MTHFD1: variants seen among roughly 807,000 people sequenced by gnomAD.
The protein encoded by MTHFD1 is C-1-tetrahydrofolate synthase, cytoplasmic.
A neutral mutation model predicts 110.3 loss-of-function variants in MTHFD1; 44 were observed. The observed-to-expected ratio is 0.40, with a 90% CI of 0.31 to 0.51. MTHFD1 has a LOEUF of 0.51. MTHFD1 is among the 20% of genes least tolerant of loss of function. The pLI, the probability that MTHFD1 is intolerant of heterozygous loss-of-function variation, is 0.60. For synonymous variants in MTHFD1, 402 were observed against 428.8 expected, an observed-to-expected ratio of 0.94 and a Z score of 0.77; for missense variants, 909 against 1,173.1, an observed-to-expected ratio of 0.77 and a Z score of 3.29.
chr14:64,447,434 A>G (rs11621442), intron 22 of MTHFD1, among the ~76,000 whole-genome samples: 11,639 of 149,726 alleles, frequency 0.078, 518 homozygotes, highest in East Asian at 0.23. Flanking sequence ...GATGACAGGC[A>G]TAAGCCACCA....
At chr14:64,426,924 T>A (rs1323996092) in intron 11 of MTHFD1, among the ~76,000 whole-genome samples, 1 of 152,226 alleles carries the variant, frequency 6.6e-6, no homozygotes, top group Non-Finnish European at 1.5e-5. Context: ...TAAAGTATAT[T>A]TGCTTCTTAC....
intron 15 of MTHFD1, among the ~76,000 whole-genome samples, chr14:64,433,068 G>A (rs2078172939): frequency 6.6e-6 from 1 of 151,552 alleles, no homozygotes; most frequent in Non-Finnish European, 1.5e-5. Context: ...GGCCACAAGG[G>A]ATTTTTTGTT....
intron 1 of MTHFD1, among the ~76,000 whole-genome samples, chr14:64,389,695 C>T (rs1056962166): frequency 3.3e-5 from 5 of 150,378 alleles, no homozygotes; most frequent in Non-Finnish European, 7.4e-5. Flanking sequence ...GCAACAAGAG[C>T]GAAACTCCGT....
In MTHFD1 at chr14:64,459,132, A is replaced by C. The variant is rs1304054027; in HGVS notation, c.*5-627A>C. ...TTCAACATGTGCTCACACCTAGCCGAATCTATCTGGATATTTTCAGACGTG... is the reference window on the plus strand; with the variant it reads ...TTCAACATGTGCTCACACCTAGCCGCATCTATCTGGATATTTTCAGACGTG... On this transcript the variant is annotated intron_variant, in intron 27 of 27. Transcript: ENST00000652337. Among the ~76,000 whole-genome samples the C allele has an allele frequency of 3.3e-5, 5 of 152,320 alleles. No individual in the cohort carries two copies. In the East Asian group the frequency reaches 9.6e-4, roughly 29 times the overall value.
intron 21 of MTHFD1, among the ~76,000 whole-genome samples, chr14:64,443,689 A>C (rs2078265884): frequency 6.6e-6 from 1 of 152,186 alleles, no homozygotes; most frequent in Admixed American, 6.5e-5. Context: ...CTAGTAGCAC[A>C]GGATAGACTC....
At chr14:64,447,923 T>C (rs2078307277) in intron 22 of MTHFD1, 1 of 435,122 alleles carries the variant, frequency 2.3e-6, no homozygotes, top group South Asian at 2.2e-5. Context: ...GCAAATAAGC[T>C]ATAATGATGT....
intron 2 of MTHFD1, 81 bp downstream of exon 2, chr14:64,400,958 TC>T (rs747228957): frequency 2.8e-6 from 3 of 1,058,262 alleles, no homozygotes; most frequent in Non-Finnish European, 4.3e-6. Context: ...TCTACTTTCC[TC>T]CTTTTTTTTT....
intron 22 of MTHFD1, 84 bp downstream of exon 22, chr14:64,444,818 GA>G: frequency 1.4e-6 from 2 of 1,474,074 alleles, no homozygotes. Context: ...ATGTGGAAAT[GA>G]ATGGGTTATT....
At position 64,442,326 on chromosome 14, in the gene MTHFD1, A is replaced by G; in HGVS notation, c.2060A>G (p.Tyr687Cys). The G allele has an allele frequency of 6.2e-7, 1 of 1,614,240 alleles. No homozygotes were observed. Among genetic ancestry groups the G allele is most frequent in the Non-Finnish European group, 8.5e-7 (1 of 1,180,032 alleles). Residue 687 changes from tyrosine (Y) to cysteine (C), a missense_variant, in exon 21 of 28, where the codon TAT (tyrosine) becomes TGT (cysteine). Tyr to Cys is a radical substitution (Grantham distance 194). Coordinates refer to ENST00000652337, the MANE Select transcript of MTHFD1 (RefSeq NM_005956.4). ...AAGTTTTTTAACATCAAATGCCGGT[A>G]TTCCGGCCTCTGCCCCCACGTGGTG... ...MEKFFNIKCR[Y>C]SGLCPHVVVL...
intron 12 of MTHFD1, among the ~76,000 whole-genome samples, chr14:64,429,744 A>C (rs569874997): frequency 6.6e-6 from 1 of 151,512 alleles, no homozygotes; most frequent in Non-Finnish European, 1.5e-5. Context: ...TAGCCCAAAA[A>C]AATCTAGCAA....
rs142527212 is a variant in MTHFD1 at position 64,440,257 on chromosome 14, C to T, written c.1806C>T (p.Ala602=). The change falls in exon 18 of 28, where the codon GCC becomes GCT. Residue 602 remains alanine, a synonymous_variant. Transcript: ENST00000652337. ...GTAAGAAAGGAGAGCCCGTCAGTGC[C>T]GAAGATCTGGTGGGTACCCAGACAC... The part of the protein sequence containing the change: ...ASSKKGEPVS[A]EDLGVSGALT... The T allele has an allele frequency of 6.3e-5, 102 of 1,614,130 alleles. No individual in the cohort carries two copies. In the African/African-American group the frequency reaches 1.2e-3, roughly 19 times the overall value.
At chr14:64,447,947 G>A (rs1287329781) in intron 22 of MTHFD1, 2 of 493,738 alleles carry the variant, frequency 4.1e-6, no homozygotes, top group Non-Finnish European at 7.4e-6. Flanking sequence ...ATAATGACAG[G>A]AAACATACCA....
At chr14:64,438,656 G>T (rs931425844) in intron 16 of MTHFD1, among the ~76,000 whole-genome samples, 2 of 152,154 alleles carry the variant, frequency 1.3e-5, no homozygotes, top group Non-Finnish European at 2.9e-5. Flanking sequence ...CTGGCACCCA[G>T]CGTGTTTCAA....
At chr14:64,432,402 G>T (rs2078167139) in intron 15 of MTHFD1, among the ~76,000 whole-genome samples, 1 of 152,156 alleles carries the variant, frequency 6.6e-6, no homozygotes, top group Non-Finnish European at 1.5e-5. Context: ...TGAAAACTCT[G>T]TTCACATAAA....
chr14:64,402,897 G>T (rs1218562440), intron 2 of MTHFD1, among the ~76,000 whole-genome samples: 3 of 152,102 alleles, frequency 2.0e-5, no homozygotes, highest in Non-Finnish European at 4.4e-5. Flanking sequence ...AGTGCATTAT[G>T]AGTGCTTCCC....
At chr14:64,396,910 T>C (rs1272329246) in intron 1 of MTHFD1, among the ~76,000 whole-genome samples, 28 of 146,536 alleles carry the variant, frequency 1.9e-4, no homozygotes, top group Middle Eastern at 3.5e-3. Flanking sequence ...CGAGACCATC[T>C]TGGCTAACAC....
At chr14:64,457,933 C>G in intron 26 of MTHFD1, 1 of 542,246 alleles carries the variant, frequency 1.8e-6, no homozygotes, top group African/African-American at 1.9e-5. Flanking sequence ...TGGCCTTGCT[C>G]TGTCGCCCAG....
At chr14:64,397,403 C>G (rs1368649629) in intron 1 of MTHFD1, among the ~76,000 whole-genome samples, 1 of 151,428 alleles carries the variant, frequency 6.6e-6, no homozygotes, top group Non-Finnish European at 1.5e-5. Flanking sequence ...AGCGATTCTC[C>G]TGCCTCAGCC....
intron 2 of MTHFD1, among the ~76,000 whole-genome samples, chr14:64,406,849 G>A (rs1440837524): frequency 4.6e-5 from 7 of 151,980 alleles, no homozygotes; most frequent in Non-Finnish European, 8.8e-5. Context: ...ATTTCTAATC[G>A]TTCTATGTTT....
Sources: gnomAD v4.1 joint callset for allele counts (sites outside exome capture counted in the v4.1 genomes callset) on GRCh38, gnomAD v4.1.1 for gene constraint, MANE v1.5 for transcripts, NCBI Gene and HGNC (gene_info 2026-07-23, HGNC 2026-07-21) for gene names.